CCDC66: variants seen among roughly 807,000 people sequenced by gnomAD.
CCDC66 encodes the protein coiled-coil domain-containing protein 66.
A neutral mutation model predicts 128.3 loss-of-function variants in CCDC66; 133 were observed. The observed-to-expected ratio is 1.04, with a 90% CI of 0.90 to 1.20. The LOEUF is 1.20. Among genes scored for constraint, CCDC66 ranks in the 50% most tolerant of loss-of-function variants. The probability of loss-of-function intolerance (pLI) is 0.00; values close to 1 mark genes in which losing one functional copy is unlikely to be tolerated. For synonymous variants in CCDC66, 387 were observed against 357.0 expected (o/e 1.08, Z -0.95); for missense variants, 1,126 against 1,075.5 (o/e 1.05, Z -0.66).
chr3:56,578,420 C>T (rs2067755637), intron 7 of CCDC66, among the ~76,000 whole-genome samples: 1 of 151,716 alleles, frequency 6.6e-6, no homozygotes, highest in Non-Finnish European at 1.5e-5. Flanking sequence ...TACCTGATTG[C>T]CCTGGCCAGA....
rs146224729 is a variant in CCDC66, at chr3:56,563,802, G to A, written c.221G>A (p.Gly74Asp). 251 of 1,553,050 alleles carry A rather than the reference G, an allele frequency of 1.6e-4. No individual in the cohort carries two copies. In the East Asian group the frequency reaches 5.3e-3, roughly 32 times the overall value. ...SEKLLQKKPV[G>D]SETSQAKGEK... ...AAACTTTTGCAAAAGAAGCCAGTTG[G>A]TTCAGAAACATCACAGGCAAAAGGT... Residue 74 changes from glycine (G) to aspartate (D), a missense_variant, in exon 4 of 18, where the codon GGT becomes GAT. Transcript: ENST00000394672.
At chr3:56,593,849 G>A in intron 9 of CCDC66, 95 bp from the exon 10 acceptor site, 1 of 1,579,474 alleles carries the variant, frequency 6.3e-7, no homozygotes, top group South Asian at 1.1e-5. Context: ...CTTTGAAATA[G>A]AAATAATTAG....
chr3:56,614,826 TTG>T (rs1486015843), intron 11 of CCDC66, among the ~76,000 whole-genome samples: 2 of 152,198 alleles, frequency 1.3e-5, no homozygotes, highest in African/African-American at 4.8e-5. Context: ...GTCATAAATC[TTG>T]TGTTTACCTT....
chr3:56,575,118 C>A (rs1222356295), intron 7 of CCDC66, among the ~76,000 whole-genome samples: 2 of 151,646 alleles, frequency 1.3e-5, no homozygotes, highest in African/African-American at 4.8e-5. Context: ...TAAATTTTTA[C>A]CAATTTTAAT....
At chr3:56,584,290 T>C (rs1577532128) in intron 7 of CCDC66, among the ~76,000 whole-genome samples, 3 of 125,646 alleles carry the variant, frequency 2.4e-5, no homozygotes, top group Non-Finnish European at 3.3e-5. Flanking sequence ...TCCTCACTTC[T>C]CAGACGGGGT....
chr3:56,593,156 T>A, intron 8 of CCDC66, 55 bp downstream of exon 8: 1 of 1,379,128 alleles, frequency 7.3e-7, no homozygotes, highest in East Asian at 2.4e-5. Context: ...AAGTCTTTAA[T>A]CAATTAAAAC....
chr3:56,588,090 G>A (rs2070141921), intron 7 of CCDC66, among the ~76,000 whole-genome samples: 1 of 152,178 alleles, frequency 6.6e-6, no homozygotes, highest in African/African-American at 2.4e-5. Context: ...GATAGATATA[G>A]ATATGGATAT....
At chr3:56,568,242 G>T (rs1309734301) in intron 6 of CCDC66, among the ~76,000 whole-genome samples, 4 of 152,152 alleles carry the variant, frequency 2.6e-5, no homozygotes, top group Non-Finnish European at 5.9e-5. Flanking sequence ...ATCTTGAAAT[G>T]TGTCAAATTA....
At chr3:56,576,647 A>G (rs779063168) in intron 7 of CCDC66, among the ~76,000 whole-genome samples, 8 of 147,986 alleles carry the variant, frequency 5.4e-5, no homozygotes, top group Non-Finnish European at 1.2e-4. Context: ...ATAAGTGAGA[A>G]CATGCAATGT....
Position 56,617,277 on chromosome 3 carries a change from T to C in CCDC66, c.2009T>C (p.Leu670Ser). 1 of 1,613,656 alleles carries C rather than the reference T, an allele frequency of 6.2e-7. No homozygotes were observed. The highest frequency in any genetic ancestry group is 8.5e-7 in the Non-Finnish European group (1 of 1,179,928). Residue 670 changes from leucine to serine, a missense_variant, in exon 14 of 18, where the codon TTA (leucine) becomes TCA (serine). Transcript: ENST00000394672. ...CTAACTCAGGATAAAGGAGCCAGCT[T>C]AGAAAAAGAAAACAATCGGTGTAAT... is the stretch of plus-strand genomic sequence containing the variant. The part of the protein sequence containing the change: ...QELTQDKGAS[L>S]EKENNRCNDQ...
chr3:56,572,479 C>T, intron 7 of CCDC66: 3 of 834,966 alleles, frequency 3.6e-6, no homozygotes. Flanking sequence ...TAGTATTTGA[C>T]CTCTAACCTA....
intron 14 of CCDC66, 89 bp from the exon 15 acceptor site, chr3:56,618,083 A>C (rs1359756745): frequency 9.9e-7 from 1 of 1,008,036 alleles, no homozygotes; most frequent in Non-Finnish European, 1.6e-6. Context: ...TTACCCTCAG[A>C]CTATTTCAAC....
chr3:56,590,255 AC>A (rs1219310786), intron 7 of CCDC66, among the ~76,000 whole-genome samples: 1 of 152,242 alleles, frequency 6.6e-6, no homozygotes, highest in East Asian at 1.9e-4. Flanking sequence ...GGGGAGAATT[AC>A]ATGAAATGGA....
chr3:56,600,631 C>T (rs2073005099), intron 10 of CCDC66, among the ~76,000 whole-genome samples: 1 of 152,150 alleles, frequency 6.6e-6, no homozygotes, highest in South Asian at 2.1e-4. Flanking sequence ...ACCACATCCT[C>T]TCCAGCATCT....
At chr3:56,577,080 C>T (rs1310685455) in intron 7 of CCDC66, among the ~76,000 whole-genome samples, 2 of 151,858 alleles carry the variant, frequency 1.3e-5, no homozygotes, top group African/African-American at 4.8e-5. Flanking sequence ...TCTCTAGCAC[C>T]TGTTGTTCCC....
At chr3:56,567,552 A>G (rs1306645370) in intron 6 of CCDC66, among the ~76,000 whole-genome samples, 3 of 152,226 alleles carry the variant, frequency 2.0e-5, no homozygotes, top group Non-Finnish European at 4.4e-5. Flanking sequence ...TACAAAATAT[A>G]AAAACTAAAA....
At chr3:56,578,707 T>A (rs997715426) in intron 7 of CCDC66, among the ~76,000 whole-genome samples, 2 of 151,842 alleles carry the variant, frequency 1.3e-5, no homozygotes, top group Non-Finnish European at 2.9e-5. Flanking sequence ...GTGAATAGAT[T>A]ACGTTTATTG....
At chr3:56,567,187 C>G in intron 6 of CCDC66, 134 bp downstream of exon 6, 1 of 592,460 alleles carries the variant, frequency 1.7e-6, no homozygotes, top group Non-Finnish European at 3.0e-6. Context: ...GGCAAGAGAT[C>G]AAGACCATCC....
chr3:56,582,126 C>A (rs1270465847), intron 7 of CCDC66, among the ~76,000 whole-genome samples: 8 of 151,918 alleles, frequency 5.3e-5, no homozygotes, highest in African/African-American at 1.9e-4. Flanking sequence ...GGACGCCCCT[C>A]CCCAGCCTTG....
Sources: gnomAD v4.1 joint callset for allele counts (sites outside exome capture counted in the v4.1 genomes callset) on GRCh38, gnomAD v4.1.1 for gene constraint, MANE v1.5 for transcripts, NCBI Gene and HGNC (gene_info 2026-07-23, HGNC 2026-07-21) for gene names.